The following PTBP3 variants were observed in gnomAD, a reference collection of about 807,000 sequenced individuals.
PTBP3 encodes polypyrimidine tract binding protein 3.
PTBP3 carries 20 observed loss-of-function variants against 58.7 expected under a neutral mutation model. The ratio of observed to expected loss-of-function variants is 0.34; its 90% CI spans 0.24 to 0.50. The LOEUF (loss-of-function observed/expected upper bound fraction) is 0.50. Among genes scored for constraint, PTBP3 ranks in the 20% least tolerant of loss-of-function variants. The pLI, the probability that PTBP3 is intolerant of heterozygous loss-of-function variation, is 0.98. For missense variants in PTBP3, 509 were observed against 637.2 expected (o/e 0.80, Z 2.17); for synonymous variants, 185 against 219.8 (o/e 0.84, Z 1.40).
At chr9:112,372,569 C>T in the PTBP3 span, among the ~76,000 whole-genome samples, 1 of 152,100 alleles carries the variant, frequency 6.6e-6, no homozygotes, top group Non-Finnish European at 1.5e-5. Flanking sequence ...TCTCTATTGC[C>T]CCCTTCCCTT....
intron 1 of PTBP3, among the ~76,000 whole-genome samples, chr9:112,313,471 T>A (rs1454594198): frequency 6.6e-6 from 1 of 152,192 alleles, no homozygotes; most frequent in African/African-American, 2.4e-5. Context: ...CTCCAAAATT[T>A]AGCAGCTGGA....
intron 1 of PTBP3, chr9:112,298,443 T>C (rs1828783602): frequency 1.9e-5 from 7 of 372,384 alleles, no homozygotes; most frequent in Non-Finnish European, 3.7e-5. Context: ...ATTTACTCTT[T>C]TTTTCAGGTA....
At position 112,286,898 on chromosome 9, in the gene PTBP3, AT is replaced by A. The variant is rs573988467; in HGVS notation, c.35-10886del. 2.1e-3 allele frequency among the ~76,000 whole-genome samples: 325 copies of A among 151,476 alleles called. 1 individual carries two copies. Among genetic ancestry groups the A allele is most frequent in the Non-Finnish European group, 2.8e-3 (193 of 67,790 alleles). ...AAATTCCATATAGAATTCCAGTTTG[AT>A]TTTTTTTTCCAGCACTCTAATGATG... is the stretch of plus-strand genomic sequence containing the variant. On this transcript the variant is annotated intron_variant, in intron 2 of 13. Transcript: ENST00000374257.
rs568322182 is a variant in PTBP3 at position 112,316,010 on chromosome 9, G to A, written c.-52+17460C>T. On this transcript the variant is annotated intron_variant, in intron 1 of 13. Coordinates refer to ENST00000374257, the MANE Select transcript of PTBP3 (RefSeq NM_001163788.4). ...ATCATTAAATGATTACATTAAAAAA[G>A]ATCTCCAGTCACAACAGCAAGTGTT... Among the ~76,000 whole-genome samples the A allele has an allele frequency of 4.6e-5, 7 of 152,292 alleles. No individual in the cohort carries two copies. The East Asian group carries it at 1.3e-3, about 29-fold the overall frequency.
the PTBP3 span, among the ~76,000 whole-genome samples, chr9:112,373,227 A>T: frequency 6.6e-6 from 1 of 151,682 alleles, no homozygotes; most frequent in Non-Finnish European, 1.5e-5. Context: ...AACTCACATG[A>T]TCACAAGGTC....
At chr9:112,236,839 A>C (rs746606877) in intron 7 of PTBP3, among the ~76,000 whole-genome samples, 64 of 152,116 alleles carry the variant, frequency 4.2e-4, no homozygotes, top group Admixed American at 1.2e-3. Context: ...CAAGAATGCC[A>C]TGTCTCAAAA....
intron 1 of PTBP3, among the ~76,000 whole-genome samples, chr9:112,322,249 C>T (rs1829985608): frequency 6.6e-6 from 1 of 151,616 alleles, no homozygotes; most frequent in African/African-American, 2.4e-5. Context: ...AAATTATAGT[C>T]TTATCCTGAT....
intron 2 of PTBP3, among the ~76,000 whole-genome samples, chr9:112,277,923 TAACATAACATAACATAACATAATATAAC>T (rs1213527218): frequency 4.7e-5 from 6 of 128,652 alleles, no homozygotes; most frequent in African/African-American, 1.0e-4. Context: ...TAACATAACA[TAACATAACATAACATAACATAATATAAC>T]ATAACATAAC....
chr9:112,239,320 T>C (rs1835551550), intron 7 of PTBP3, among the ~76,000 whole-genome samples: 2 of 152,170 alleles, frequency 1.3e-5, no homozygotes, highest in Non-Finnish European at 2.9e-5. Flanking sequence ...GTAAACTGAA[T>C]AGGCATCCTA....
intron 1 of PTBP3, chr9:112,332,709 G>T: frequency 6.5e-7 from 1 of 1,547,688 alleles, no homozygotes; most frequent in Non-Finnish European, 8.8e-7. Flanking sequence ...TTTTTATTTT[G>T]GTCACGGACC....
At chr9:112,340,086 T>G in the PTBP3 span, among the ~76,000 whole-genome samples, 1 of 152,134 alleles carries the variant, frequency 6.6e-6, no homozygotes, top group South Asian at 2.1e-4. Context: ...CACCTAAGCC[T>G]CCTGAGTAGC....
chr9:112,328,674 T>C (rs1165971471), intron 1 of PTBP3, among the ~76,000 whole-genome samples: 1 of 152,098 alleles, frequency 6.6e-6, no homozygotes, highest in Non-Finnish European at 1.5e-5. Flanking sequence ...GTAGATTTAC[T>C]AGCTACTTTG....
At chr9:112,270,879 G>A (rs996659034) in intron 3 of PTBP3, among the ~76,000 whole-genome samples, 6 of 152,162 alleles carry the variant, frequency 3.9e-5, no homozygotes, top group Admixed American at 1.3e-4. Flanking sequence ...GAGCAGTAGC[G>A]TGATCTTGGC....
At chr9:112,290,711 C>T (rs1259515168) in intron 2 of PTBP3, among the ~76,000 whole-genome samples, 268 of 141,054 alleles carry the variant, frequency 1.9e-3, no homozygotes, top group African/African-American at 6.8e-3. Context: ...TATATATACA[C>T]ACACACACAC....
At chr9:112,237,377 C>T (rs563810786) in intron 7 of PTBP3, among the ~76,000 whole-genome samples, 31 of 152,170 alleles carry the variant, frequency 2.0e-4, no homozygotes, top group African/African-American at 4.8e-4. Context: ...CGAATAAGAA[C>T]GGATTCTTCA....
intron 4 of PTBP3, among the ~76,000 whole-genome samples, chr9:112,264,764 G>C (rs1173716685): frequency 6.6e-6 from 1 of 152,122 alleles, no homozygotes; most frequent in Non-Finnish European, 1.5e-5. Flanking sequence ...AGAAATGAAG[G>C]CTATCTCAGA....
In PTBP3 at chr9:112,244,289, CAA is replaced by C. The variant is rs56052359; in HGVS notation, c.802+6638_802+6639del. The stretch of plus-strand genomic sequence containing the variant: ...TGGGCAACAGAGTGAGACTCTGTCT[CAA>C]AAAAAAAAAAAAAAAAGTTCTCAGG... On this transcript the variant is annotated intron_variant, in intron 7 of 13. Coordinates refer to ENST00000374257, the MANE Select transcript of PTBP3 (RefSeq NM_001163788.4). Among the ~76,000 whole-genome samples the C allele has an allele frequency of 9.1e-4, 33 of 36,294 alleles. 3 individuals are homozygous for C. Among genetic ancestry groups the C allele is most frequent in the Admixed American group, 2.4e-3 (7 of 2,934 alleles). The allele number at this position is 36,294 out of a possible 152,430, so 23.8% of individuals were successfully genotyped here.
rs141753263 is a variant in PTBP3, at chr9:112,221,355, G to A, written c.*2496C>T. ...AAATGTTCTCTCTCAGACTTAAAAG[G>A]CCATTCCCTACTTCAAAGTTACATT... On this transcript the variant is annotated 3_prime_UTR_variant, in exon 14 of 14. Transcript: ENST00000374257. 3.7e-4 allele frequency: 362 copies of A among 985,552 alleles called. 2 individuals are homozygous for A. The African/African-American group carries it at 6.0e-3, about 16-fold the overall frequency. 61.1% of individuals were successfully genotyped at this position (985,552 alleles called of 1,614,324 possible). A position where few individuals can be genotyped will look rare whatever the true frequency, so the allele number is the denominator to read the frequency against.
chr9:112,235,183 A>G (rs1042600469), intron 7 of PTBP3, among the ~76,000 whole-genome samples: 1 of 152,164 alleles, frequency 6.6e-6, no homozygotes, highest in African/African-American at 2.4e-5. Context: ...TCATAATGAA[A>G]AATCAGTTAC....
Sources: allele counts gnomAD v4.1 joint callset (sites outside exome capture counted in the v4.1 genomes callset), GRCh38; gene constraint gnomAD v4.1.1; transcripts MANE v1.5; gene names NCBI Gene and HGNC (gene_info 2026-07-23, HGNC 2026-07-21).